The following CTCF variants were observed in gnomAD, a reference collection of about 807,000 sequenced individuals.
The protein encoded by CTCF is transcriptional repressor CTCF.
Under a neutral mutation model 72.3 loss-of-function variants are expected in CTCF, and 7 were observed. The observed-to-expected ratio is 0.10, with a 90% CI of 0.06 to 0.18. The LOEUF (loss-of-function observed/expected upper bound fraction) is 0.18. CTCF is among the 10% of genes least tolerant of loss of function. The pLI is 1.00. For synonymous variants in CTCF, 374 were observed against 315.8 expected, an observed-to-expected ratio of 1.18 and a Z score of -1.95; for missense variants, 516 against 949.1, an observed-to-expected ratio of 0.54 and a Z score of 6.00.
At chr16:67,567,010 G>A (rs2051351763) in intron 1 of CTCF, among the ~76,000 whole-genome samples, 1 of 152,010 alleles carries the variant, frequency 6.6e-6, no homozygotes, top group South Asian at 2.1e-4. Context: ...TGGGTAGCTG[G>A]GACTAATTTT....
intron 2 of CTCF, among the ~76,000 whole-genome samples, chr16:67,605,797 G>A (rs957064086): frequency 6.6e-6 from 1 of 152,174 alleles, no homozygotes; most frequent in African/African-American, 2.4e-5. Flanking sequence ...TGAGAGGAGT[G>A]GATCAGACGT....
intron 11 of CTCF, 55 bp from the exon 12 acceptor site, chr16:67,637,633 G>C: frequency 1.3e-6 from 2 of 1,502,852 alleles, no homozygotes; most frequent in Non-Finnish European, 1.8e-6. Context: ...AAAGACCCTT[G>C]TGATTCTTGG....
intron 2 of CTCF, among the ~76,000 whole-genome samples, chr16:67,591,629 A>C (rs773492395): frequency 3.9e-5 from 6 of 152,198 alleles, no homozygotes; most frequent in Non-Finnish European, 7.3e-5. Context: ...TAAAAGAGTT[A>C]ATAACTTTTA....
At position 67,631,154 on chromosome 16, in the gene CTCF, G is replaced by GTTTTTTTTTTTTTTTTTTTTTTT. The variant is rs766362012; in HGVS notation, c.1837+1631_1837+1632insTTTTTTTTTTTTTTTTTTTTTTT. Among the ~76,000 whole-genome samples, 40 of 125,010 alleles carry GTTTTTTTTTTTTTTTTTTTTTTT rather than the reference G, an allele frequency of 3.2e-4. 3 individuals carry two copies. Among genetic ancestry groups the GTTTTTTTTTTTTTTTTTTTTTTT allele is most frequent in the African/African-American group, 7.7e-4 (23 of 29,790 alleles). 82.0% of individuals were successfully genotyped at this position (125,010 alleles called of 152,430 possible). On this transcript the variant is annotated intron_variant, in intron 10 of 11. Transcript: ENST00000264010. ...ATTGGGCTTTTTTTGTTCTTTGTTT[G>GTTTTTTTTTTTTTTTTTTTTTTT]TTTTTTTTTTGTTTTTTGTTTTTTT...
intron 2 of CTCF, among the ~76,000 whole-genome samples, chr16:67,607,759 C>G (rs1302086609): frequency 6.6e-6 from 1 of 151,878 alleles, no homozygotes; most frequent in Middle Eastern, 3.2e-3. Context: ...GTGGCTCACG[C>G]CTGTAGTCCC....
chr16:67,602,608 G>A (rs553422396), intron 2 of CTCF, among the ~76,000 whole-genome samples: 29 of 152,138 alleles, frequency 1.9e-4, no homozygotes, highest in Non-Finnish European at 4.0e-4. Flanking sequence ...TTGGGAGGCC[G>A]AGGCCGGCAG....
intron 1 of CTCF, chr16:67,568,367 A>G (rs1009200804): frequency 1.3e-5 from 2 of 150,628 alleles, no homozygotes; most frequent in African/African-American, 4.9e-5. Flanking sequence ...GACGTGAGCC[A>G]CCATGCCTGG....
At chr16:67,571,535 G>C (rs1000014428) in intron 2 of CTCF, among the ~76,000 whole-genome samples, 2 of 152,156 alleles carry the variant, frequency 1.3e-5, no homozygotes, top group Non-Finnish European at 2.9e-5. Context: ...ACTATTCTCC[G>C]TTAATGAGAA....
chr16:67,614,113 G>A (rs967849755), intron 4 of CTCF, among the ~76,000 whole-genome samples: 17 of 152,048 alleles, frequency 1.1e-4, no homozygotes, highest in African/African-American at 2.9e-4. Context: ...TTGGGAGGCC[G>A]AGGTGGGTGG....
At chr16:67,573,554 T>G (rs901295644) in intron 2 of CTCF, among the ~76,000 whole-genome samples, 12 of 152,220 alleles carry the variant, frequency 7.9e-5, no homozygotes, top group African/African-American at 2.7e-4. Flanking sequence ...CATGAGTGCC[T>G]GAGGGTGGGA....
At chr16:67,575,984 G>C (rs1212216399) in intron 2 of CTCF, among the ~76,000 whole-genome samples, 2 of 139,716 alleles carry the variant, frequency 1.4e-5, no homozygotes, top group East Asian at 4.1e-4. Context: ...GTGAGACCTT[G>C]TCTGTAAAAA....
intron 10 of CTCF, among the ~76,000 whole-genome samples, chr16:67,630,110 G>A (rs2052345093): frequency 6.6e-6 from 1 of 151,842 alleles, no homozygotes; most frequent in South Asian, 2.1e-4. Context: ...TTGAGTTAAA[G>A]CAAAATTAAT....
intron 2 of CTCF, among the ~76,000 whole-genome samples, chr16:67,593,966 A>C (rs144135646): frequency 2.0e-5 from 3 of 152,188 alleles, no homozygotes; most frequent in Non-Finnish European, 2.9e-5. Flanking sequence ...CATATTTGCT[A>C]TGTAGTCATA....
chr16:67,587,100 ATTTTTTTTTT>A (rs754060008), intron 2 of CTCF, among the ~76,000 whole-genome samples: 43 of 98,738 alleles, frequency 4.4e-4, no homozygotes, highest in African/African-American at 1.5e-3. Context: ...CTTCTTAAAC[ATTTTTTTTTT>A]TTTTTTTTTT....
chr16:67,631,168 TTTTG>T (rs2052359290), intron 10 of CTCF, among the ~76,000 whole-genome samples: 7 of 137,290 alleles, frequency 5.1e-5, no homozygotes, highest in South Asian at 2.3e-4. Flanking sequence ...TTTTTTTGTT[TTTTG>T]TTTTTTTTTT....
Position 67,591,721 on chromosome 16 carries a change from TG to T in CTCF, c.-9-19094del, listed in dbSNP as rs1555532316. ...CTCAGGAAAAACTGATTACTTTTTT[TG>T]GGGGGGGGCAGTAAGGGCACAGAGT... is the stretch of plus-strand genomic sequence containing the variant. On this transcript the variant is annotated intron_variant, in intron 2 of 11. Coordinates refer to ENST00000264010, the MANE Select transcript of CTCF (RefSeq NM_006565.4). Among the ~76,000 whole-genome samples, 21 of 150,530 alleles carry T rather than the reference TG, an allele frequency of 1.4e-4. 1 individual carries two copies. The highest frequency in any genetic ancestry group is 1.1e-3 in the South Asian group (5 of 4,712).
At chr16:67,606,917 C>A (rs957294700) in intron 2 of CTCF, among the ~76,000 whole-genome samples, 4 of 151,806 alleles carry the variant, frequency 2.6e-5, no homozygotes, top group African/African-American at 7.3e-5. Flanking sequence ...GAGGCACACC[C>A]CACCACACTC....
At chr16:67,603,046 T>C (rs1158785196) in intron 2 of CTCF, among the ~76,000 whole-genome samples, 1 of 152,038 alleles carries the variant, frequency 6.6e-6, no homozygotes, top group Non-Finnish European at 1.5e-5. Context: ...CCTAGCCTCA[T>C]GTTGCTGTTG....
intron 9 of CTCF, among the ~76,000 whole-genome samples, chr16:67,628,994 GTGATC>G (rs2052327389): frequency 6.6e-6 from 1 of 151,922 alleles, no homozygotes; most frequent in Non-Finnish European, 1.5e-5. Flanking sequence ...AGAGCTTGCA[GTGATC>G]CGAGATGGCA....
Sources: gnomAD v4.1 joint callset for allele counts (sites outside exome capture counted in the v4.1 genomes callset) on GRCh38, gnomAD v4.1.1 for gene constraint, MANE v1.5 for transcripts, NCBI Gene and HGNC (gene_info 2026-07-23, HGNC 2026-07-21) for gene names.